The following FRG1 variants were observed in gnomAD, a reference collection of about 807,000 sequenced individuals.
The protein encoded by FRG1 is protein FRG1.
A neutral mutation model predicts 37.0 loss-of-function variants in FRG1; 19 were observed. That is an observed-to-expected ratio of 0.51 (90% CI 0.36 to 0.75). The LOEUF is 0.75. Ranked by LOEUF, FRG1 falls within the 30% of genes least tolerant of loss-of-function variation. The pLI is 0.00. For missense variants in FRG1, 243 were observed against 301.4 expected (o/e 0.81, Z 1.44); for synonymous variants, 73 against 96.5 (o/e 0.76, Z 1.43).
intron 6 of FRG1, among the ~76,000 whole-genome samples, chr4:189,958,216 G>A (rs1737071762): frequency 6.6e-6 from 1 of 151,960 alleles, no homozygotes; most frequent in African/African-American, 2.4e-5. Context: ...TGGAAATTTA[G>A]GCTGTTTCCA....
intron 1 of FRG1, among the ~76,000 whole-genome samples, chr4:189,941,428 C>T (rs966587799): frequency 1.9e-4 from 29 of 152,182 alleles, no homozygotes; most frequent in African/African-American, 6.8e-4. Context: ...TTATTTTCTC[C>T]ATTGTCTCTT....
At chr4:189,941,233 G>A (rs1736281504) in intron 1 of FRG1, among the ~76,000 whole-genome samples, 162 bp downstream of exon 1, 1 of 152,158 alleles carries the variant, frequency 6.6e-6, no homozygotes, top group Admixed American at 6.5e-5. Context: ...CGCGGTTCCC[G>A]GCGTCTGTGC....
intron 2 of FRG1, among the ~76,000 whole-genome samples, chr4:189,949,280 T>C (rs1736657302): frequency 6.6e-6 from 1 of 152,194 alleles, no homozygotes; most frequent in Admixed American, 6.5e-5. Context: ...TTAAGTATTA[T>C]GTTATGTTAC....
intron 7 of FRG1, chr4:189,961,130 TA>T: frequency 4.5e-6 from 1 of 223,998 alleles, no homozygotes; most frequent in Non-Finnish European, 8.9e-6. Flanking sequence ...AGCACTGAGC[TA>T]AATGCTTTTC....
In FRG1 at chr4:189,962,150, T is replaced by A. The variant is rs184678065; in HGVS notation, c.740+218T>A. Among the ~76,000 whole-genome samples the A allele has an allele frequency of 1.5e-4, 23 of 152,332 alleles. 1 individual carries two copies. Among genetic ancestry groups the A allele is most frequent in the African/African-American group, 5.5e-4 (23 of 41,578 alleles). On this transcript the variant is annotated intron_variant, in intron 8 of 8. Coordinates refer to ENST00000226798, the MANE Select transcript of FRG1 (RefSeq NM_004477.3). ...TTATAACCGATTCTAAGTATATACT[T>A]GAAGAAATTCAGGTTTGACTGTATC...
intron 2 of FRG1, 113 bp from the exon 3 acceptor site, chr4:189,952,049 T>G: frequency 1.4e-6 from 1 of 706,384 alleles, no homozygotes; most frequent in East Asian, 2.8e-5. Flanking sequence ...ATCTTTGTAT[T>G]ATTTCTTACA....
intron 6 of FRG1, chr4:189,959,843 C>T (rs1357113135): frequency 6.1e-6 from 6 of 978,164 alleles, no homozygotes; most frequent in Non-Finnish European, 7.3e-6. Context: ...CATTTAATTG[C>T]AGGCTCTCCT....
chr4:189,952,028 G>C, intron 2 of FRG1, 134 bp from the exon 3 acceptor site: 1 of 612,302 alleles, frequency 1.6e-6, no homozygotes, highest in South Asian at 2.4e-5. Flanking sequence ...AGTGAGTAAA[G>C]AATATGTGAG....
chr4:189,953,267 G>C, intron 4 of FRG1, 142 bp downstream of exon 4: 2 of 1,305,860 alleles, frequency 1.5e-6, no homozygotes, highest in Non-Finnish European at 2.0e-6. Flanking sequence ...AGTAGATTTT[G>C]TGATCTACTT....
Position 189,957,406 on chromosome 4 carries a change from G to GGCTTTGTTGGCCTCAAATA in FRG1, c.445_463dup (p.Cys155PhefsTer6). The GGCTTTGTTGGCCTCAAATA allele has an allele frequency of 6.2e-7, 1 of 1,611,294 alleles. No homozygotes were observed. Among genetic ancestry groups the GGCTTTGTTGGCCTCAAATA allele is most frequent in the Non-Finnish European group, 8.5e-7 (1 of 1,178,568 alleles). ...TTATTTGTTTCACTTAGGGGAAAATGGCTTTGTTGGCCTCAAATAGCTGCT... is the reference window on the plus strand; with the variant it reads ...TTATTTGTTTCACTTAGGGGAAAATGGCTTTGTTGGCCTCAAATAGCTTTGTTGGCCTCAAATAGCTGCT... On this transcript the variant is annotated frameshift_variant, in exon 6 of 9. Coordinates refer to ENST00000226798, the MANE Select transcript of FRG1 (RefSeq NM_004477.3). LOFTEE classifies it high-confidence loss of function.
In FRG1 at chr4:189,940,923, CT is replaced by C. The variant is rs1715472365; in HGVS notation, c.-86del. The C allele has an allele frequency of 9.7e-7, 1 of 1,029,640 alleles. No homozygotes were observed. The highest frequency in any genetic ancestry group is 1.5e-6 in the Non-Finnish European group (1 of 674,578). 63.8% of individuals were successfully genotyped at this position (1,029,640 alleles called of 1,614,324 possible). A position where few individuals can be genotyped will look rare whatever the true frequency, so the allele number is the denominator to read the frequency against. ...GGGAGTGTTTATTTCGCGTCCGCTT[CT>C]GTTTCTCCGCGCCCCTGTGCTGCCC... On this transcript the variant is annotated 5_prime_UTR_variant, in exon 1 of 9. Coordinates refer to ENST00000226798, the MANE Select transcript of FRG1 (RefSeq NM_004477.3).
At chr4:189,963,052 T>C (rs757890074) in intron 8 of FRG1, 41 bp from the exon 9 acceptor site, 4 of 1,415,152 alleles carry the variant, frequency 2.8e-6, no homozygotes, top group Non-Finnish European at 3.9e-6. Context: ...ATATATGGCA[T>C]GTTTTACATA....
chr4:189,942,309 C>A (rs906323109), intron 1 of FRG1, among the ~76,000 whole-genome samples: 1 of 152,122 alleles, frequency 6.6e-6, no homozygotes, highest in Admixed American at 6.5e-5. Flanking sequence ...AGGTTCACCA[C>A]TGTCTAGTTG....
At position 189,957,392 on chromosome 4, in the gene FRG1, A is replaced by T. The variant is rs1737029291; in HGVS notation, c.433-6A>T. On this transcript the variant is annotated splice_region_variant and splice_polypyrimidine_tract_variant and intron_variant, in intron 5 of 8. Transcript: ENST00000226798. ...TCATGGCTATTTTGTTATTTGTTTC[A>T]CTTAGGGGAAAATGGCTTTGTTGGC... 6.2e-7 allele frequency: 1 copy of T among 1,602,258 alleles called. No homozygotes were observed. Among genetic ancestry groups the T allele is most frequent in the African/African-American group, 1.4e-5 (1 of 73,468 alleles).
intron 5 of FRG1, among the ~76,000 whole-genome samples, chr4:189,956,289 C>T (rs944410810): frequency 2.6e-5 from 4 of 152,012 alleles, no homozygotes; most frequent in African/African-American, 9.7e-5. Flanking sequence ...GTTGCAACCC[C>T]TTTGAGATGA....
intron 2 of FRG1, among the ~76,000 whole-genome samples, chr4:189,951,820 A>G (rs533860518): frequency 6.6e-6 from 1 of 152,206 alleles, no homozygotes; most frequent in East Asian, 1.9e-4. Context: ...ATGCACCCCC[A>G]TGCCTGGCTG....
Position 189,952,864 on chromosome 4 carries a change from C to T in FRG1, c.260-204C>T, listed in dbSNP as rs1490655116. Among the ~76,000 whole-genome samples the T allele has an allele frequency of 1.5e-4, 3 of 19,598 alleles. No individual in the cohort carries two copies. In the South Asian group the frequency reaches 3.5e-3, roughly 23 times the overall value. 12.9% of individuals were successfully genotyped at this position (19,598 alleles called of 152,430 possible). On this transcript the variant is annotated intron_variant, in intron 3 of 8. Coordinates refer to ENST00000226798, the MANE Select transcript of FRG1 (RefSeq NM_004477.3). Reference sequence around the variant, plus strand: ...ATAAGCATTATATCACCCTGTCTTACTCAGTGTATAAAATTAACACTGTAG... The same window carrying T: ...ATAAGCATTATATCACCCTGTCTTATTCAGTGTATAAAATTAACACTGTAG...
At chr4:189,958,775 G>A (rs1210503154) in intron 6 of FRG1, among the ~76,000 whole-genome samples, 3 of 138,444 alleles carry the variant, frequency 2.2e-5, no homozygotes, top group Admixed American at 7.0e-5. Context: ...AAACATTTAA[G>A]GCTTAATTTT....
chr4:189,958,638 C>T (rs1389688425), intron 6 of FRG1, among the ~76,000 whole-genome samples: 1 of 152,248 alleles, frequency 6.6e-6, no homozygotes, highest in East Asian at 1.9e-4. Context: ...CCTGTGCCCT[C>T]TCTAATCCTA....
Sources: gnomAD v4.1 joint callset for allele counts (sites outside exome capture counted in the v4.1 genomes callset) on GRCh38, gnomAD v4.1.1 for gene constraint, MANE v1.5 for transcripts, NCBI Gene and HGNC (gene_info 2026-07-23, HGNC 2026-07-21) for gene names.